ZHX3: variants seen among roughly 807,000 people sequenced by gnomAD.
ZHX3 encodes the protein zinc fingers and homeoboxes 3, also known as zinc fingers and homeoboxes protein 3.
In ZHX3, 20 loss-of-function variants were observed where a neutral mutation model predicts 64.5. The observed-to-expected ratio is 0.31, with a 90% CI of 0.22 to 0.45. ZHX3 has a LOEUF of 0.45. ZHX3 is among the 20% of genes least tolerant of loss of function. The pLI is 1.00. For synonymous variants in ZHX3, 423 were observed against 461.6 expected, an observed-to-expected ratio of 0.92 and a Z score of 1.07; for missense variants, 1,041 against 1,195.8, an observed-to-expected ratio of 0.87 and a Z score of 1.91.
intron 3 of ZHX3, among the ~76,000 whole-genome samples, chr20:41,194,241 T>A (rs946434074): frequency 3.3e-5 from 5 of 152,190 alleles, no homozygotes; most frequent in Non-Finnish European, 5.9e-5. Flanking sequence ...TCATATATGG[T>A]CTTCATCATA....
rs1197738192 is a variant in ZHX3, at chr20:41,202,292, G to C, written c.2625C>G (p.Ser875Arg). ...LQNLCDKTQM[S>R]SQQVKQWFAE... ...CAAACCACTGCTTGACCTGCTGGGA[G>C]CTCATCTGGGTCTTGTCACAGAGGT... The change falls in exon 3 of 4, where the codon AGC becomes AGG. Residue 875 changes from serine to arginine, a missense_variant. Ser to Arg is a moderately radical substitution (Grantham distance 110). Coordinates refer to ENST00000683867, the MANE Select transcript of ZHX3 (RefSeq NM_001384317.1). The surrounding 1 kb of genome is among the most constrained non-coding windows in gnomAD (Gnocchi z 7.0). The C allele has an allele frequency of 6.2e-7, 1 of 1,614,042 alleles. No individual in the cohort carries two copies. The highest frequency in any genetic ancestry group is 8.5e-7 in the Non-Finnish European group (1 of 1,180,014).
chr20:41,185,173 A>G lies in ZHX3; in HGVS notation c.*18T>C, dbSNP rs1050038849. On this transcript the variant is annotated 3_prime_UTR_variant, in exon 4 of 4. Coordinates refer to ENST00000683867, the MANE Select transcript of ZHX3 (RefSeq NM_001384317.1). This position sits in a 1 kb window ranked among gnomAD's most constrained non-coding sequence, Gnocchi z 5.0. ...GGTTTCCCAGACTGGCCAGTCCTTC[A>G]CATTAATCAGATCAAATTCAGTCTG... The G allele has an allele frequency of 6.2e-7, 1 of 1,608,632 alleles. No homozygotes were observed. Among genetic ancestry groups the G allele is most frequent in the Admixed American group, 1.7e-5 (1 of 59,354 alleles).
intron 1 of ZHX3, among the ~76,000 whole-genome samples, chr20:41,286,906 CCT>C (rs1345939404): frequency 6.6e-6 from 1 of 151,814 alleles, no homozygotes; most frequent in Non-Finnish European, 1.5e-5. Flanking sequence ...GGCAGTTTCC[CCT>C]GAGCTCTCTC....
At chr20:41,259,421 T>C (rs1196841988) in intron 2 of ZHX3, among the ~76,000 whole-genome samples, 4 of 152,176 alleles carry the variant, frequency 2.6e-5, no homozygotes, top group Non-Finnish European at 2.9e-5. Flanking sequence ...CATACAAACA[T>C]GTACCAAAAA....
At position 41,204,384 on chromosome 20, in the gene ZHX3, T is replaced by A; in HGVS notation, c.533A>T (p.Glu178Val). 1 of 1,614,228 alleles carries A rather than the reference T, an allele frequency of 6.2e-7. No individual in the cohort carries two copies. Among genetic ancestry groups the A allele is most frequent in the Non-Finnish European group, 8.5e-7 (1 of 1,180,038 alleles). Residue 178 changes from glutamate (E) to valine (V), a missense_variant, in exon 3 of 4, where the codon GAA becomes GTA. Physicochemically the swap from Glu to Val is moderately radical, Grantham distance 121. Around this residue, in one of 4 missense-constraint regions of ZHX3, gnomAD observed 358 missense variants for 369.1 expected, o/e 0.97. Coordinates refer to ENST00000683867, the MANE Select transcript of ZHX3 (RefSeq NM_001384317.1). The surrounding 1 kb of genome is among the most constrained non-coding windows in gnomAD (Gnocchi z 6.6). ...GATTGGAGTTTTGGTAATGATGATT[T>A]CTGCCTGTCCATCAGCCCCTTCAGC... ...PSAEGADGQA[E>V]IIITKTPIMK... is the part of the protein sequence containing the mutation.
rs1397853728 is a variant in ZHX3 at position 41,228,235 on chromosome 20, C to T, written c.-150-23169G>A. Reference sequence around the variant, plus strand: ...TGACCTATCTACCAAGTTCCAAATCCATTACTTCCAACTGCCATTGATCCC... The same window carrying T: ...TGACCTATCTACCAAGTTCCAAATCTATTACTTCCAACTGCCATTGATCCC... On this transcript the variant is annotated intron_variant, in intron 2 of 3. Coordinates refer to ENST00000683867, the MANE Select transcript of ZHX3 (RefSeq NM_001384317.1). This position sits in a 1 kb window ranked among gnomAD's most constrained non-coding sequence, Gnocchi z 4.6. Among the ~76,000 whole-genome samples the T allele has an allele frequency of 2.6e-5, 4 of 152,140 alleles. No homozygotes were observed. The highest frequency in any genetic ancestry group is 7.2e-5 in the African/African-American group (3 of 41,432).
intron 1 of ZHX3, among the ~76,000 whole-genome samples, chr20:41,274,901 A>C (rs975330246): frequency 6.6e-6 from 1 of 152,194 alleles, no homozygotes; most frequent in Non-Finnish European, 1.5e-5. Context: ...TAATGCCTGT[A>C]ATCCCAGCAC....
At chr20:41,230,903 T>C (rs2040564646) in intron 2 of ZHX3, among the ~76,000 whole-genome samples, 1 of 152,214 alleles carries the variant, frequency 6.6e-6, no homozygotes, top group Admixed American at 6.5e-5. Flanking sequence ...TACATTAGAG[T>C]TCACTCTTGG....
intron 1 of ZHX3, among the ~76,000 whole-genome samples, chr20:41,301,713 A>G (rs1359297825): frequency 1.3e-5 from 2 of 151,826 alleles, no homozygotes; most frequent in Non-Finnish European, 2.9e-5. Context: ...CACACCCCAA[A>G]ATCACCTCCC....
intron 1 of ZHX3, among the ~76,000 whole-genome samples, chr20:41,271,015 A>C (rs1377730382): frequency 6.6e-6 from 1 of 152,138 alleles, no homozygotes; most frequent in African/African-American, 2.4e-5. Context: ...CAGTCTCTAC[A>C]AAAGTATTTT....
In ZHX3 at chr20:41,226,836, G is replaced by A. The variant is rs567758627; in HGVS notation, c.-150-21770C>T. ...AACTCTAGGTTCCTCATCCAGAGAA[G>A]GGTACTGCCCCAGGTCTGAGCAGAA... On this transcript the variant is annotated intron_variant, in intron 2 of 3. Transcript: ENST00000683867. The surrounding 1 kb of genome is among the most constrained non-coding windows in gnomAD (Gnocchi z 4.4). Among the ~76,000 whole-genome samples the A allele has an allele frequency of 6.6e-6, 1 of 152,326 alleles. No individual in the cohort carries two copies. Among genetic ancestry groups the A allele is most frequent in the East Asian group, 1.9e-4 (1 of 5,186 alleles).
At chr20:41,284,635 A>C (rs1007432539) in intron 1 of ZHX3, among the ~76,000 whole-genome samples, 56 of 152,130 alleles carry the variant, frequency 3.7e-4, no homozygotes, top group African/African-American at 1.3e-3. Context: ...CCAGCCTTGA[A>C]GCTCTCTGCA....
chr20:41,190,642 C>A (rs1275491650), intron 3 of ZHX3, among the ~76,000 whole-genome samples: 1 of 152,008 alleles, frequency 6.6e-6, no homozygotes, highest in Non-Finnish European at 1.5e-5. Flanking sequence ...GAGTTTTATA[C>A]TTTTGTGTGT....
rs1036212589 is a variant in ZHX3 at position 41,179,799 on chromosome 20, T to C, written c.*5392A>G. Reference sequence around the variant, plus strand: ...CGCGCACCACCACGCCCGGCTAATTTTTGTATTTTTAGTAGAAACGGGGTT... The same window carrying C: ...CGCGCACCACCACGCCCGGCTAATTCTTGTATTTTTAGTAGAAACGGGGTT... On this transcript the variant is annotated 3_prime_UTR_variant, in exon 4 of 4. Coordinates refer to ENST00000683867, the MANE Select transcript of ZHX3 (RefSeq NM_001384317.1). This position sits in a 1 kb window ranked among gnomAD's most constrained non-coding sequence, Gnocchi z 4.3. 4 of 152,028 alleles carry C rather than the reference T, an allele frequency of 2.6e-5. No individual in the cohort carries two copies. Among genetic ancestry groups the C allele is most frequent in the Non-Finnish European group, 4.4e-5 (3 of 68,026 alleles). 9.4% of individuals were successfully genotyped at this position (152,028 alleles called of 1,614,324 possible). A position where few individuals can be genotyped will look rare whatever the true frequency, so the allele number is the denominator to read the frequency against.
In ZHX3 at chr20:41,282,361, CTTTTTTT is replaced by C. The variant is rs568284480; in HGVS notation, c.-244-13285_-244-13279del. ...TAGAGGTCCATTAGACACAATTCAT[CTTTTTTT>C]TTTTTTTTTTTTGCGAAGTCTAGCT... On this transcript the variant is annotated intron_variant, in intron 1 of 3. Transcript: ENST00000683867. 4.1e-5 allele frequency among the ~76,000 whole-genome samples: 4 copies of C among 97,202 alleles called. 1 individual carries two copies. The highest frequency in any genetic ancestry group is 1.5e-4 in the African/African-American group (4 of 26,300). The allele number at this position is 97,202 out of a possible 152,430, so 63.8% of individuals were successfully genotyped here.
At position 41,184,652 on chromosome 20, in the gene ZHX3, G is replaced by T; in HGVS notation, c.*539C>A. ...TACTGCTTCCTTGAGGAACACAAAG[G>T]GGGCACAAAGGGGTTCCAGACGTAG... On this transcript the variant is annotated 3_prime_UTR_variant, in exon 4 of 4. Transcript: ENST00000683867. The T allele has an allele frequency of 2.1e-6, 1 of 481,930 alleles. No homozygotes were observed. 29.9% of individuals were successfully genotyped at this position (481,930 alleles called of 1,614,324 possible). A position where few individuals can be genotyped will look rare whatever the true frequency, so the allele number is the denominator to read the frequency against.
intron 2 of ZHX3, among the ~76,000 whole-genome samples, chr20:41,259,746 C>A (rs952252364): frequency 4.6e-5 from 7 of 152,082 alleles, no homozygotes; most frequent in Admixed American, 4.6e-4. Flanking sequence ...TGGAAAGTTT[C>A]ACAATAAACC....
Position 41,203,930 on chromosome 20 carries a change from G to C in ZHX3, c.987C>G (p.Pro329=). The part of the protein sequence containing the change: ...LKNSFHKFPY[P]TKAELCYLTV... ...TCAAATAGCAGAGCTCGGCTTTGGTGGGGTAGGGGAACTTGTGGAAGGAGT... is the reference window on the plus strand; with the variant it reads ...TCAAATAGCAGAGCTCGGCTTTGGTCGGGTAGGGGAACTTGTGGAAGGAGT... Residue 329 remains proline (P), a synonymous_variant, in exon 3 of 4, where the codon CCC becomes CCG. Coordinates refer to ENST00000683867, the MANE Select transcript of ZHX3 (RefSeq NM_001384317.1). This position sits in a 1 kb window ranked among gnomAD's most constrained non-coding sequence, Gnocchi z 7.1. 6.2e-7 allele frequency: 1 copy of C among 1,614,250 alleles called. No individual in the cohort carries two copies. Among genetic ancestry groups the C allele is most frequent in the Non-Finnish European group, 8.5e-7 (1 of 1,180,048 alleles).
Position 41,212,670 on chromosome 20 carries a change from G to T in ZHX3, c.-150-7604C>A, listed in dbSNP as rs1169426130. The stretch of plus-strand genomic sequence containing the variant: ...AAATTAGCCAGGCATGTTGGTGCAT[G>T]ACTGTAATCCCAGCTACTCAGGAGG... On this transcript the variant is annotated intron_variant, in intron 2 of 3. Transcript: ENST00000683867. The surrounding 1 kb of genome is among the most constrained non-coding windows in gnomAD (Gnocchi z 4.3). 2.0e-5 allele frequency among the ~76,000 whole-genome samples: 3 copies of T among 151,988 alleles called. No individual in the cohort carries two copies. Among genetic ancestry groups the T allele is most frequent in the Non-Finnish European group, 4.4e-5 (3 of 67,982 alleles).
Sources: allele counts gnomAD v4.1 joint callset (sites outside exome capture counted in the v4.1 genomes callset), GRCh38; gene constraint gnomAD v4.1.1; regional missense constraint gnomAD v4.1.1; non-coding constraint Gnocchi (gnomAD v3.1); transcripts MANE v1.5; gene names NCBI Gene and HGNC (gene_info 2026-07-23, HGNC 2026-07-21).